Variants in ADGRB3 observed in about 807,000 individuals in gnomAD.
ADGRB3 encodes the protein brain-specific angiogenesis inhibitor 3.
A neutral mutation model predicts 193.4 loss-of-function variants in ADGRB3; 37 were observed. The observed-to-expected ratio is 0.19, with a 90% confidence interval of 0.15 to 0.25. ADGRB3 has a LOEUF of 0.25. Ranked by LOEUF, ADGRB3 falls within the 10% of genes least tolerant of loss-of-function variation. ADGRB3 has a pLI of 1.00. For missense variants in ADGRB3, 1,637 were observed against 1,852.9 expected, an observed-to-expected ratio of 0.88 and a Z score of 2.14; for synonymous variants, 690 against 644.2, an observed-to-expected ratio of 1.07 and a Z score of -1.08.
chr6:68,918,076 T>C (rs1766931972), intron 3 of ADGRB3, among the ~76,000 whole-genome samples: 1 of 152,196 alleles, frequency 6.6e-6, no homozygotes, highest in African/African-American at 2.4e-5. Flanking sequence ...TGGAAAAATG[T>C]CAGGTAAAAC....
At chr6:68,930,769 C>A in intron 4 of ADGRB3, 100 bp downstream of exon 4, 1 of 967,708 alleles carries the variant, frequency 1.0e-6, no homozygotes, top group Non-Finnish European at 1.5e-6. Context: ...GTTTTTGGAG[C>A]TGATATTTTT....
At chr6:68,928,491 C>T (rs1748833911) in intron 3 of ADGRB3, among the ~76,000 whole-genome samples, 2 of 152,108 alleles carry the variant, frequency 1.3e-5, no homozygotes, top group Non-Finnish European at 2.9e-5. Flanking sequence ...GCTATGATTG[C>T]ACCACTGCAC....
chr6:69,040,357 C>A (rs1048260083), intron 13 of ADGRB3, among the ~76,000 whole-genome samples: 4 of 63,178 alleles, frequency 6.3e-5, no homozygotes, highest in Admixed American at 2.1e-4. Flanking sequence ...TTCTTTCTTT[C>A]TTTCTTTCTT....
At position 69,332,964 on chromosome 6, in the gene ADGRB3, T is replaced by C; in HGVS notation, c.3144T>C (p.Val1048=). The C allele has an allele frequency of 1.2e-6, 2 of 1,613,806 alleles. No homozygotes were observed. Among genetic ancestry groups the C allele is most frequent in the Non-Finnish European group, 1.7e-6 (2 of 1,179,864 alleles). The change falls in exon 24 of 32, where the codon GTT becomes GTC. Residue 1048 remains valine (V), a synonymous_variant. Coordinates refer to ENST00000370598, the MANE Select transcript of ADGRB3 (RefSeq NM_001704.3). ...GCATTTTGGTATTTAATAAACTTGTTTCCAGAGATGGAATCCTAGATAAAA... is the reference window on the plus strand; with the variant it reads ...GCATTTTGGTATTTAATAAACTTGTCTCCAGAGATGGAATCCTAGATAAAA... ...VIGILVFNKL[V]SRDGILDKKL... is the part of the protein sequence containing the mutation.
rs555628750 is a variant in ADGRB3 at position 69,354,483 on chromosome 6, T to C, written c.3555+155T>C. Among the ~76,000 whole-genome samples, 4 of 152,318 alleles carry C rather than the reference T, an allele frequency of 2.6e-5. No individual in the cohort carries two copies. In the South Asian group the frequency reaches 8.3e-4, roughly 32 times the overall value. On this transcript the variant is annotated intron_variant, in intron 27 of 31. Coordinates refer to ENST00000370598, the MANE Select transcript of ADGRB3 (RefSeq NM_001704.3). ...GTGAACTCTGGTACCACAGAAGTATTATTTCCAGATGGCTTCAGAGTCCAG... is the reference window on the plus strand; with the variant it reads ...GTGAACTCTGGTACCACAGAAGTATCATTTCCAGATGGCTTCAGAGTCCAG...
intron 3 of ADGRB3, among the ~76,000 whole-genome samples, chr6:68,908,087 C>A (rs1185424566): frequency 6.6e-6 from 1 of 151,748 alleles, no homozygotes. Context: ...ACAATAATAT[C>A]AACTTTAATA....
intron 8 of ADGRB3, among the ~76,000 whole-genome samples, chr6:68,958,091 C>A (rs996632829): frequency 3.9e-5 from 6 of 151,940 alleles, no homozygotes; most frequent in African/African-American, 1.5e-4. Flanking sequence ...ATCCCAGCTA[C>A]GCAGGAGGCT....
intron 17 of ADGRB3, among the ~76,000 whole-genome samples, chr6:69,154,798 A>G (rs1774786249): frequency 6.6e-6 from 1 of 152,218 alleles, no homozygotes; most frequent in African/African-American, 2.4e-5. Context: ...AGTATACCTT[A>G]GTCTGCACAA....
chr6:68,712,885 C>T (rs115099426), intron 3 of ADGRB3, among the ~76,000 whole-genome samples: 4,040 of 151,768 alleles, frequency 0.027, 168 homozygotes, highest in African/African-American at 0.091. Context: ...TTATTAGATA[C>T]TGATAATTTT....
chr6:68,965,491 A>G (rs191831553), intron 8 of ADGRB3, among the ~76,000 whole-genome samples: 1 of 152,232 alleles, frequency 6.6e-6, no homozygotes, highest in Admixed American at 6.6e-5. Flanking sequence ...TTTAGAATCA[A>G]TTTCTTTTTA....
chr6:69,164,621 G>GTCAGTAGAGATAAGCAC (rs1775084759), intron 17 of ADGRB3, among the ~76,000 whole-genome samples: 2 of 152,224 alleles, frequency 1.3e-5, no homozygotes, highest in East Asian at 3.9e-4. Flanking sequence ...TAAGTTTACT[G>GTCAGTAGAGATAAGCAC]TCAGTAGAGA....
At chr6:69,043,910 G>A (rs553146492) in intron 13 of ADGRB3, among the ~76,000 whole-genome samples, 100 of 152,070 alleles carry the variant, frequency 6.6e-4, no homozygotes, top group African/African-American at 2.3e-3. Flanking sequence ...GCGTGGTGGC[G>A]GGCGCCTGTA....
intron 17 of ADGRB3, among the ~76,000 whole-genome samples, chr6:69,153,104 A>C (rs1433453691): frequency 1.1e-4 from 16 of 152,146 alleles, no homozygotes; most frequent in Non-Finnish European, 2.4e-4. Context: ...ACTATATTTA[A>C]AATGTAGGAA....
intron 3 of ADGRB3, among the ~76,000 whole-genome samples, chr6:68,656,099 T>G (rs1054730245): frequency 6.6e-6 from 1 of 151,620 alleles, no homozygotes; most frequent in Non-Finnish European, 1.5e-5. Context: ...TCTTGCTTGC[T>G]GCCTCCATTT....
intron 3 of ADGRB3, among the ~76,000 whole-genome samples, chr6:68,929,891 G>C (rs1767291127): frequency 6.6e-6 from 1 of 151,632 alleles, no homozygotes; most frequent in Admixed American, 6.6e-5. Flanking sequence ...ATAACAGAAG[G>C]CTAGAAACAA....
intron 3 of ADGRB3, among the ~76,000 whole-genome samples, chr6:68,854,092 G>T (rs181290001): frequency 6.6e-6 from 1 of 152,104 alleles, no homozygotes; most frequent in African/African-American, 2.4e-5. Context: ...TCAGGATTTT[G>T]TGTCGTTGTT....
At chr6:69,291,407 T>C (rs984723675) in intron 20 of ADGRB3, among the ~76,000 whole-genome samples, 18 of 152,194 alleles carry the variant, frequency 1.2e-4, no homozygotes, top group African/African-American at 4.1e-4. Context: ...GGAGGTTTGG[T>C]AATTCACTGA....
chr6:69,055,408 A>T lies in ADGRB3; in HGVS notation c.2333+6062A>T, dbSNP rs1204089223. Among the ~76,000 whole-genome samples, 4 of 152,176 alleles carry T rather than the reference A, an allele frequency of 2.6e-5. No homozygotes were observed. In the East Asian group the frequency reaches 7.7e-4, roughly 29 times the overall value. ...GTATTCATCTTTTTGTGATTGATTT[A>T]TTTCAATTAGCACAATATCCTTTGG... is the stretch of plus-strand genomic sequence containing the variant. On this transcript the variant is annotated intron_variant, in intron 15 of 31. Coordinates refer to ENST00000370598, the MANE Select transcript of ADGRB3 (RefSeq NM_001704.3).
At chr6:69,258,929 A>T (rs916537363) in intron 20 of ADGRB3, among the ~76,000 whole-genome samples, 11 of 152,234 alleles carry the variant, frequency 7.2e-5, no homozygotes, top group African/African-American at 2.7e-4. Flanking sequence ...GCAACAAAAA[A>T]CAGAAAGCTA....
Sources: gnomAD v4.1 joint callset for allele counts (sites outside exome capture counted in the v4.1 genomes callset) on GRCh38, gnomAD v4.1.1 for gene constraint, MANE v1.5 for transcripts, NCBI Gene and HGNC (gene_info 2026-07-23, HGNC 2026-07-21) for gene names.